Variants in SORL1 observed in about 807,000 individuals in gnomAD.
SORL1 encodes sortilin related receptor 1.
SORL1 carries 127 observed loss-of-function variants against 273.7 expected under a neutral mutation model. The observed-to-expected ratio is 0.46, with a 90% CI of 0.40 to 0.54. The LOEUF (loss-of-function observed/expected upper bound fraction) is 0.54. Ranked by LOEUF, SORL1 falls within the 20% of genes least tolerant of loss-of-function variation. The pLI, the probability that SORL1 is intolerant of heterozygous loss-of-function variation, is 0.00. For synonymous variants in SORL1, 1,031 were observed against 1,067.4 expected, an observed-to-expected ratio of 0.97 and a Z score of 0.66; for missense variants, 2,494 against 2,846.1, an observed-to-expected ratio of 0.88 and a Z score of 2.81.
intron 40 of SORL1, among the ~76,000 whole-genome samples, chr11:121,613,843 A>G (rs1256245434): frequency 6.6e-6 from 1 of 152,266 alleles, no homozygotes; most frequent in Non-Finnish European, 1.5e-5. Flanking sequence ...AGTCAGGAGC[A>G]GAAGCCTTAA....
intron 41 of SORL1, among the ~76,000 whole-genome samples, chr11:121,616,898 A>G (rs7127056): frequency 0.086 from 13,160 of 152,286 alleles, 1,286 homozygotes; most frequent in African/African-American, 0.24. Context: ...GAGGCATGAG[A>G]CATCCATCAA....
At chr11:121,453,337 C>T (rs1860843016) in intron 1 of SORL1, among the ~76,000 whole-genome samples, 1 of 152,164 alleles carries the variant, frequency 6.6e-6, no homozygotes, top group Non-Finnish European at 1.5e-5. Flanking sequence ...TATTTCTACC[C>T]AGGCAATAGG....
In SORL1 at chr11:121,605,274, A is replaced by G. The variant is rs550161365; in HGVS notation, c.4778+35A>G. 4 of 1,598,596 alleles carry G rather than the reference A, an allele frequency of 2.5e-6. No individual in the cohort carries two copies. The South Asian group carries it at 3.4e-5, about 14-fold the overall frequency. ...ATCTTTGTCATGGGAGATGAAAATGATGTCTTCATTGCCCCAGGATGTTCT... is the reference window on the plus strand; with the variant it reads ...ATCTTTGTCATGGGAGATGAAAATGGTGTCTTCATTGCCCCAGGATGTTCT... On this transcript the variant is annotated intron_variant, in intron 34 of 47. Transcript: ENST00000260197.
chr11:121,619,720 A>ATT, intron 42 of SORL1, 33 bp from the exon 43 acceptor site: 1 of 1,563,440 alleles, frequency 6.4e-7, no homozygotes, highest in Non-Finnish European at 8.8e-7. Context: ...GCCATGATGT[A>ATT]TTTTTTTTCC....
In SORL1 at chr11:121,589,317, A is replaced by G. The variant is rs1369329335; in HGVS notation, c.4005A>G (p.Gly1335=). ...AGTTCGGTTTCCAGTGTCAGAATGG[A>G]GTGTGCATCAGTTTGATTTGGAAGT... is the stretch of plus-strand genomic sequence containing the variant. ...CDEFGFQCQN[G]VCISLIWKCD... The change falls in exon 29 of 48, where the codon GGA becomes GGG. Residue 1335 remains glycine, a synonymous_variant. Coordinates refer to ENST00000260197, the MANE Select transcript of SORL1 (RefSeq NM_003105.6). 3 of 1,613,834 alleles carry G rather than the reference A, an allele frequency of 1.9e-6. No individual in the cohort carries two copies. Among genetic ancestry groups the G allele is most frequent in the Non-Finnish European group, 2.5e-6 (3 of 1,179,760 alleles).
chr11:121,466,686 T>C (rs892813411), intron 1 of SORL1, among the ~76,000 whole-genome samples: 1 of 152,270 alleles, frequency 6.6e-6, no homozygotes, highest in South Asian at 2.1e-4. Flanking sequence ...GCGCATCCAT[T>C]CCTGATTCCT....
rs566465241 is a variant in SORL1 at position 121,574,801 on chromosome 11, G to A, written c.3460+438G>A. On this transcript the variant is annotated intron_variant, in intron 24 of 47. Coordinates refer to ENST00000260197, the MANE Select transcript of SORL1 (RefSeq NM_003105.6). ...AATGGACCCTGCTTTGCCTTGGAGA[G>A]ATGCTATAAGGATGAAAGGTGATGG... Among the ~76,000 whole-genome samples the A allele has an allele frequency of 4.9e-4, 74 of 152,250 alleles. 2 individuals are homozygous for A. The South Asian group carries it at 0.015, about 31-fold the overall frequency.
chr11:121,623,687 C>T (rs1481352487), intron 45 of SORL1, among the ~76,000 whole-genome samples: 2 of 152,110 alleles, frequency 1.3e-5, no homozygotes, highest in African/African-American at 4.8e-5. Context: ...ATTGGGAATC[C>T]CAGTTCGGCA....
In SORL1 at chr11:121,629,617, T is replaced by G. The variant is rs1297341947; in HGVS notation, c.*54T>G. 2.3e-6 allele frequency: 2 copies of G among 875,180 alleles called. No homozygotes were observed. Among genetic ancestry groups the G allele is most frequent in the African/African-American group, 3.3e-5 (2 of 60,290 alleles). 54.2% of individuals were successfully genotyped at this position (875,180 alleles called of 1,614,324 possible). On this transcript the variant is annotated 3_prime_UTR_variant, in exon 48 of 48. Transcript: ENST00000260197. ...GTGTAAATATTTTATTTGATAAAGA[T>G]AGTTGATGGTTTATTTTAAAAGATG...
intron 1 of SORL1, among the ~76,000 whole-genome samples, chr11:121,453,225 C>T (rs1209411828): frequency 6.6e-6 from 1 of 152,120 alleles, no homozygotes; most frequent in African/African-American, 2.4e-5. Context: ...CTCCCACCCC[C>T]GTCAAGATAA....
In SORL1 at chr11:121,558,679, G is replaced by A; in HGVS notation, c.2752G>A (p.Glu918Lys). ...DGSAAYHLVS[E>K]DVKWPNGISV... ...TTCTGCTGCCTATCACCTGGTGTCTGAGGATGTGAAGTGGCCCAATGGCAT... is the reference window on the plus strand; with the variant it reads ...TTCTGCTGCCTATCACCTGGTGTCTAAGGATGTGAAGTGGCCCAATGGCAT... Residue 918 changes from glutamate (E) to lysine (K), a missense_variant, in exon 20 of 48, where the codon GAG (glutamate) becomes AAG (lysine). This residue lies in a region of SORL1 where 1,609 missense variants were observed against 1,816.4 expected (regional missense o/e 0.89). Transcript: ENST00000260197. The A allele has an allele frequency of 6.2e-7, 1 of 1,614,180 alleles. No homozygotes were observed. Among genetic ancestry groups the A allele is most frequent in the South Asian group, 1.1e-5 (1 of 91,076 alleles).
At chr11:121,585,900 TAC>T (rs941513794) in intron 26 of SORL1, among the ~76,000 whole-genome samples, 1 of 152,248 alleles carries the variant, frequency 6.6e-6, no homozygotes, top group African/African-American at 2.4e-5. Flanking sequence ...TTCAATCTAT[TAC>T]ACAGTTTTGC....
At chr11:121,553,870 C>A in intron 16 of SORL1, 67 bp from the exon 17 acceptor site, 1 of 1,465,338 alleles carries the variant, frequency 6.8e-7, no homozygotes, top group South Asian at 1.3e-5. Context: ...ACAAATAGGT[C>A]AGATGTGCTA....
At chr11:121,549,165 A>G (rs554227394) in intron 14 of SORL1, among the ~76,000 whole-genome samples, 1 of 152,298 alleles carries the variant, frequency 6.6e-6, no homozygotes, top group East Asian at 1.9e-4. Flanking sequence ...ATCTCAAAGT[A>G]CAGGGTGACT....
At chr11:121,526,343 C>A (rs922127055) in intron 11 of SORL1, among the ~76,000 whole-genome samples, 2 of 152,084 alleles carry the variant, frequency 1.3e-5, no homozygotes, top group African/African-American at 2.4e-5. Context: ...TTCACTAATA[C>A]CAAATTATCT....
intron 12 of SORL1, among the ~76,000 whole-genome samples, chr11:121,535,757 T>C (rs931071693): frequency 3.3e-5 from 5 of 152,282 alleles, no homozygotes; most frequent in Middle Eastern, 3.4e-3. Context: ...TTGACTGTTA[T>C]TTGTTTCAGC....
At chr11:121,619,633 A>G (rs761041549) in intron 42 of SORL1, 120 bp from the exon 43 acceptor site, 6 of 824,952 alleles carry the variant, frequency 7.3e-6, no homozygotes, top group Non-Finnish European at 1.1e-5. Context: ...TTTATATTTT[A>G]TGGTTTTTTG....
chr11:121,472,772 C>G (rs111969715), intron 2 of SORL1, among the ~76,000 whole-genome samples: 3 of 152,058 alleles, frequency 2.0e-5, no homozygotes, highest in Non-Finnish European at 4.4e-5. Context: ...ACCAGCCTGA[C>G]CAACATGGAG....
chr11:121,616,642 T>A (rs765406359), intron 41 of SORL1, among the ~76,000 whole-genome samples: 1 of 152,268 alleles, frequency 6.6e-6, no homozygotes, highest in Non-Finnish European at 1.5e-5. Context: ...TCAGCGCTTC[T>A]CTTTCCTACA....
Sources: gnomAD v4.1 joint callset for allele counts (sites outside exome capture counted in the v4.1 genomes callset) on GRCh38, gnomAD v4.1.1 for gene constraint, gnomAD v4.1.1 regional missense constraint, MANE v1.5 for transcripts, NCBI Gene and HGNC (gene_info 2026-07-23, HGNC 2026-07-21) for gene names.